MRTFA: variants seen among roughly 807,000 people sequenced by gnomAD.
MRTFA encodes the protein myocardin-related transcription factor A.
MRTFA carries 20 observed loss-of-function variants against 83.5 expected under a neutral mutation model. That is an observed-to-expected ratio of 0.24 (90% confidence interval 0.17 to 0.35). MRTFA has a LOEUF of 0.35. MRTFA is among the 10% of genes least tolerant of loss of function. The probability of loss-of-function intolerance (pLI) is 1.00; values close to 1 mark genes in which losing one functional copy is unlikely to be tolerated. For missense variants in MRTFA, 1,200 were observed against 1,224.7 expected, an observed-to-expected ratio of 0.98 and a Z score of 0.30; for synonymous variants, 659 against 541.2, an observed-to-expected ratio of 1.22 and a Z score of -3.02.
At chr22:40,504,222 A>C (rs2054543998) in intron 3 of MRTFA, among the ~76,000 whole-genome samples, 1 of 152,164 alleles carries the variant, frequency 6.6e-6, no homozygotes, top group South Asian at 2.1e-4. Context: ...CTTAAGACTC[A>C]AGTTCTTGTA....
intron 3 of MRTFA, among the ~76,000 whole-genome samples, chr22:40,485,484 G>C (rs1282191997): frequency 6.6e-6 from 1 of 152,074 alleles, no homozygotes; most frequent in East Asian, 1.9e-4. Flanking sequence ...AGGAGAGCCT[G>C]AGTATCAGAT....
intron 3 of MRTFA, among the ~76,000 whole-genome samples, chr22:40,538,383 A>G (rs1428257758): frequency 6.7e-6 from 1 of 148,880 alleles, no homozygotes; most frequent in Admixed American, 6.8e-5. Flanking sequence ...GCTCGTTAAG[A>G]GTCATCACCA....
At chr22:40,432,861 G>A (rs1452256772) in intron 5 of MRTFA, among the ~76,000 whole-genome samples, 2 of 152,192 alleles carry the variant, frequency 1.3e-5, no homozygotes, top group Non-Finnish European at 2.9e-5. Flanking sequence ...CTCAGCTGCA[G>A]CAGAGATTGG....
intron 3 of MRTFA, chr22:40,533,596 G>A: frequency 8.1e-7 from 1 of 1,228,752 alleles, no homozygotes; most frequent in South Asian, 4.1e-5. Context: ...TTACCTGACT[G>A]TACTGCCATC....
At chr22:40,475,008 T>C (rs993927539) in intron 3 of MRTFA, among the ~76,000 whole-genome samples, 11 of 151,906 alleles carry the variant, frequency 7.2e-5, no homozygotes, top group Admixed American at 5.2e-4. Context: ...CTGACTAATT[T>C]TTGTATTTTT....
rs184394098 is a variant in MRTFA at position 40,554,240 on chromosome 22, T to C, written c.-21-1873A>G. Among the ~76,000 whole-genome samples, 32 of 152,286 alleles carry C rather than the reference T, an allele frequency of 2.1e-4. No individual in the cohort carries two copies. In the East Asian group the frequency reaches 4.2e-3, roughly 20 times the overall value. ...AATGATCTAAGACTTTGGGGGACTA[T>C]TGGACACACATACTTGTGTTTTGAA... On this transcript the variant is annotated intron_variant, in intron 2 of 14. Coordinates refer to ENST00000355630, the MANE Select transcript of MRTFA (RefSeq NM_020831.6).
chr22:40,410,860 C>T lies in MRTFA; in HGVS notation c.*530G>A, dbSNP rs922583886. The stretch of plus-strand genomic sequence containing the variant: ...TACATAAAATTGTTGCCACCAACCA[C>T]TAAATGGTTACACTACACCAAGACA... On this transcript the variant is annotated 3_prime_UTR_variant, in exon 15 of 15. Coordinates refer to ENST00000355630, the MANE Select transcript of MRTFA (RefSeq NM_020831.6). 4.3e-6 allele frequency: 1 copy of T among 233,324 alleles called. No individual in the cohort carries two copies. Among genetic ancestry groups the T allele is most frequent in the African/African-American group, 2.2e-5 (1 of 45,296 alleles). 14.5% of individuals were successfully genotyped at this position (233,324 alleles called of 1,614,324 possible).
At chr22:40,544,529 A>C (rs1336754388) in intron 3 of MRTFA, among the ~76,000 whole-genome samples, 1 of 152,200 alleles carries the variant, frequency 6.6e-6, no homozygotes, top group Non-Finnish European at 1.5e-5. Flanking sequence ...ACCCAGCTAA[A>C]TTTAGAGATT....
chr22:40,518,546 C>T (rs2054800904), intron 3 of MRTFA, among the ~76,000 whole-genome samples: 1 of 151,932 alleles, frequency 6.6e-6, no homozygotes, highest in South Asian at 2.1e-4. Flanking sequence ...GTAATGCCAG[C>T]ACTTTGGGAG....
intron 4 of MRTFA, among the ~76,000 whole-genome samples, chr22:40,450,433 TTTC>T (rs2053465700): frequency 6.6e-6 from 1 of 151,940 alleles, no homozygotes; most frequent in South Asian, 2.1e-4. Context: ...TGTTTTCAAT[TTTC>T]TTTTTTTTTT....
chr22:40,519,700 T>A (rs1004314367), intron 3 of MRTFA: 5 of 990,732 alleles, frequency 5.0e-6, no homozygotes, highest in Non-Finnish European at 6.7e-6. Flanking sequence ...CACCCACTCA[T>A]GGGTTCTGAA....
intron 3 of MRTFA, among the ~76,000 whole-genome samples, chr22:40,485,410 A>G (rs779753199): frequency 6.6e-6 from 1 of 152,166 alleles, no homozygotes; most frequent in Non-Finnish European, 1.5e-5. Context: ...AACTGTGGCA[A>G]CAGCTGGGGA....
intron 3 of MRTFA, among the ~76,000 whole-genome samples, chr22:40,477,079 C>T (rs2054009881): frequency 6.6e-6 from 1 of 150,510 alleles, no homozygotes; most frequent in Non-Finnish European, 1.5e-5. Flanking sequence ...CCTGTAATCC[C>T]AGCACTTTGG....
At chr22:40,521,169 C>T (rs1466837963) in intron 3 of MRTFA, among the ~76,000 whole-genome samples, 1 of 152,160 alleles carries the variant, frequency 6.6e-6, no homozygotes, top group Non-Finnish European at 1.5e-5. Flanking sequence ...TACAATATTA[C>T]AACCAGAATA....
chr22:40,432,233 C>T (rs906986981), intron 5 of MRTFA, among the ~76,000 whole-genome samples: 4 of 151,826 alleles, frequency 2.6e-5, no homozygotes, highest in South Asian at 2.1e-4. Flanking sequence ...GCAACAAGAG[C>T]GAAACTCCGT....
intron 1 of MRTFA, among the ~76,000 whole-genome samples, chr22:40,602,893 A>C (rs2056276810): frequency 1.3e-5 from 2 of 152,024 alleles, no homozygotes; most frequent in South Asian, 2.1e-4. Flanking sequence ...GTCCCCCTTC[A>C]TTTCTTCTTC....
chr22:40,542,359 T>C (rs541340023), intron 3 of MRTFA, among the ~76,000 whole-genome samples: 2 of 152,342 alleles, frequency 1.3e-5, no homozygotes, highest in East Asian at 3.9e-4. Flanking sequence ...TGTTATAATA[T>C]CTTGTGTTTT....
chr22:40,483,577 C>T lies in MRTFA; in HGVS notation c.242-20291G>A, dbSNP rs926191301. On this transcript the variant is annotated intron_variant, in intron 3 of 14. Coordinates refer to ENST00000355630, the MANE Select transcript of MRTFA (RefSeq NM_020831.6). ...GGGGGCGCCTGTAGTCCCAGCTACT[C>T]GGGAGGCTGAGGCAGGAGAATGGCA... 4.0e-4 allele frequency among the ~76,000 whole-genome samples: 60 copies of T among 150,980 alleles called. No individual in the cohort carries two copies. In the Middle Eastern group the frequency reaches 0.014, roughly 34 times the overall value.
At chr22:40,533,995 A>T (rs892106013) in intron 3 of MRTFA, among the ~76,000 whole-genome samples, 2 of 152,214 alleles carry the variant, frequency 1.3e-5, no homozygotes, top group African/African-American at 4.8e-5. Context: ...TCTCAAGAAG[A>T]GAAGATGAGG....
Sources: gnomAD v4.1 joint callset for allele counts (sites outside exome capture counted in the v4.1 genomes callset) on GRCh38, gnomAD v4.1.1 for gene constraint, MANE v1.5 for transcripts, NCBI Gene and HGNC (gene_info 2026-07-23, HGNC 2026-07-21) for gene names.